The following MAP4K4 variants were observed in gnomAD, a reference collection of about 807,000 sequenced individuals.
MAP4K4 encodes HPK/GCK-like kinase HGK.
Under a neutral mutation model 189.6 loss-of-function variants are expected in MAP4K4, and 38 were observed. That is an observed-to-expected ratio of 0.20 (90% CI 0.15 to 0.26). The LOEUF (loss-of-function observed/expected upper bound fraction) is 0.26, where lower values mean the gene tolerates loss of function less well. MAP4K4 is among the 10% of genes least tolerant of loss of function. The pLI, the probability that MAP4K4 is intolerant of heterozygous loss-of-function variation, is 1.00. For missense variants in MAP4K4, 1,054 were observed against 1,726.9 expected (o/e 0.61, Z 6.91); for synonymous variants, 610 against 624.3 (o/e 0.98, Z 0.34).
intron 3 of MAP4K4, among the ~76,000 whole-genome samples, chr2:101,808,870 G>T (rs377251003): frequency 6.6e-6 from 1 of 151,756 alleles, no homozygotes; most frequent in South Asian, 2.1e-4. Flanking sequence ...GTAAAATAAT[G>T]TACTCATCTA....
chr2:101,718,558 G>A (rs1254420333), intron 2 of MAP4K4, among the ~76,000 whole-genome samples: 2 of 132,206 alleles, frequency 1.5e-5, no homozygotes, highest in Non-Finnish European at 3.3e-5. Flanking sequence ...GCTGACAGTG[G>A]GAAGGTGGGG....
intron 2 of MAP4K4, among the ~76,000 whole-genome samples, chr2:101,731,309 GT>G (rs1348078838): frequency 1.3e-5 from 2 of 151,598 alleles, no homozygotes; most frequent in African/African-American, 4.8e-5. Context: ...TAGAGATGGG[GT>G]TTCACCATGT....
At chr2:101,734,986 G>C (rs1187727854) in intron 2 of MAP4K4, among the ~76,000 whole-genome samples, 2 of 152,178 alleles carry the variant, frequency 1.3e-5, no homozygotes, top group Non-Finnish European at 2.9e-5. Context: ...TTCATGAGCA[G>C]GGTGTTGTTC....
At chr2:101,748,909 A>G (rs376643657) in intron 2 of MAP4K4, among the ~76,000 whole-genome samples, 4,264 of 141,046 alleles carry the variant, frequency 0.03, 203 homozygotes, top group African/African-American at 0.11. Flanking sequence ...CCCATTCACA[A>G]TTGCTTCAAA....
intron 2 of MAP4K4, among the ~76,000 whole-genome samples, chr2:101,740,203 G>T (rs1294582903): frequency 1.1e-5 from 1 of 95,014 alleles, no homozygotes; most frequent in Non-Finnish European, 1.7e-5. Flanking sequence ...GCCCAGGCTG[G>T]AGTGCAGTGG....
At chr2:101,851,651 A>T (rs1375013113) in intron 12 of MAP4K4, among the ~76,000 whole-genome samples, 4 of 149,270 alleles carry the variant, frequency 2.7e-5, no homozygotes, top group Admixed American at 1.3e-4. Context: ...GGTAGTTTAA[A>T]TTCTTGCTCT....
At chr2:101,744,289 C>T in intron 2 of MAP4K4, among the ~76,000 whole-genome samples, 1 of 152,202 alleles carries the variant, frequency 6.6e-6, no homozygotes. Context: ...CACTTCAACA[C>T]ATCATTTAAC....
rs2090280512 is a variant in MAP4K4 at position 101,785,656 on chromosome 2, C to CTGT, written c.124-5063_124-5062insGTT. Among the ~76,000 whole-genome samples the CTGT allele has an allele frequency of 6.4e-5, 4 of 62,934 alleles. 2 individuals are homozygous for CTGT. The highest frequency in any genetic ancestry group is 9.8e-4 in the East Asian group (2 of 2,032). 41.3% of individuals were successfully genotyped at this position (62,934 alleles called of 152,430 possible). On this transcript the variant is annotated intron_variant, in intron 2 of 32. Transcript: ENST00000324219. The stretch of plus-strand genomic sequence containing the variant: ...TTTGAGAAGATAGGAACATTGCCAT[C>CTGT]TTCTTCTTTCTTTCTTTCTCCCTCT...
At chr2:101,802,840 C>T (rs1406675960) in intron 3 of MAP4K4, among the ~76,000 whole-genome samples, 1 of 152,022 alleles carries the variant, frequency 6.6e-6, no homozygotes, top group Non-Finnish European at 1.5e-5. Flanking sequence ...GGCTGGCGTG[C>T]AATGGCGTGA....
chr2:101,751,072 G>A (rs900388318), intron 2 of MAP4K4, among the ~76,000 whole-genome samples: 5 of 152,140 alleles, frequency 3.3e-5, no homozygotes, highest in Non-Finnish European at 5.9e-5. Flanking sequence ...GTTGGGGGGT[G>A]TATGTGCCGC....
chr2:101,827,691 G>C (rs548193027), intron 5 of MAP4K4, among the ~76,000 whole-genome samples: 3 of 152,330 alleles, frequency 2.0e-5, no homozygotes, highest in Non-Finnish European at 2.9e-5. Context: ...TGGACCACAA[G>C]GCTTAGCAGC....
intron 15 of MAP4K4, 103 bp from the exon 16 acceptor site, chr2:101,860,722 A>G: frequency 1.0e-6 from 1 of 983,346 alleles, no homozygotes; most frequent in Non-Finnish European, 1.5e-6. Flanking sequence ...GCAGAAGAAA[A>G]CAGAAAACTT....
Position 101,844,320 on chromosome 2 carries a change from A to G in MAP4K4, c.1233+9A>G. 1.3e-6 allele frequency: 2 copies of G among 1,552,186 alleles called. No homozygotes were observed. The highest frequency in any genetic ancestry group is 1.4e-5 in the African/African-American group (1 of 73,070). ...GGCGACGGCTAGAAGAGGTAGCAAA[A>G]GGAAAATGTCCAAGTTGGTTGGTCT... On this transcript the variant is annotated intron_variant, in intron 12 of 32. Coordinates refer to ENST00000324219, the Ensembl canonical transcript of MAP4K4.
At chr2:101,755,413 C>T (rs959810795) in intron 2 of MAP4K4, among the ~76,000 whole-genome samples, 1 of 152,070 alleles carries the variant, frequency 6.6e-6, no homozygotes, top group Non-Finnish European at 1.5e-5. Flanking sequence ...TTTCCCACCC[C>T]GAGTTCCTGA....
At chr2:101,716,493 A>G (rs1263501257) in intron 2 of MAP4K4, among the ~76,000 whole-genome samples, 2 of 148,338 alleles carry the variant, frequency 1.3e-5, no homozygotes, top group Non-Finnish European at 3.0e-5. Flanking sequence ...ATTTTAGATG[A>G]TGGAGATAAA....
chr2:101,889,059 G>C, intron 32 of MAP4K4, 124 bp downstream of exon 32: 1 of 971,094 alleles, frequency 1.0e-6, no homozygotes, highest in Non-Finnish European at 1.5e-6. Context: ...CTTTTTAAAC[G>C]TTGCTTTTTA....
At chr2:101,755,907 A>C (rs1416459295) in intron 2 of MAP4K4, among the ~76,000 whole-genome samples, 2 of 60,688 alleles carry the variant, frequency 3.3e-5, no homozygotes, top group Non-Finnish European at 7.9e-5. Flanking sequence ...GGGAAACTTT[A>C]TTTATAGTAT....
chr2:101,850,065 T>A (rs902571162), intron 12 of MAP4K4, among the ~76,000 whole-genome samples: 2 of 152,184 alleles, frequency 1.3e-5, no homozygotes. Context: ...ACCCCTGGAC[T>A]CTCAGTTGTC....
intron 1 of MAP4K4, 41 bp downstream of exon 1, chr2:101,698,178 C>G (rs766313304): frequency 6.3e-5 from 58 of 927,034 alleles, no homozygotes; most frequent in Non-Finnish European, 7.7e-5. Context: ...AGCGGGCAGC[C>G]GGCAGCCGGC....
Sources: allele counts gnomAD v4.1 joint callset (sites outside exome capture counted in the v4.1 genomes callset), GRCh38; gene constraint gnomAD v4.1.1; transcripts MANE v1.5; gene names NCBI Gene and HGNC (gene_info 2026-07-23, HGNC 2026-07-21).